Variants in CARD8 observed in about 807,000 individuals in gnomAD.
CARD8 encodes caspase recruitment domain family member 8, also known as caspase recruitment domain-containing protein 8.
CARD8 carries 38 observed loss-of-function variants against 53.2 expected under a neutral mutation model. The observed-to-expected ratio is 0.71, with a 90% CI of 0.55 to 0.94. The LOEUF is 0.94. CARD8 is among the 40% of genes least tolerant of loss of function. CARD8 has a pLI of 0.00. For missense variants in CARD8, 561 were observed against 655.5 expected (o/e 0.86, Z 1.57); for synonymous variants, 245 against 244.9 (o/e 1.00, Z 0.00).
At chr19:48,220,935 G>A (rs2040385125) in intron 11 of CARD8, among the ~76,000 whole-genome samples, 1 of 8,744 alleles carries the variant, frequency 1.1e-4, no homozygotes, top group African/African-American at 5.9e-4. Context: ...AAGAGAGAAA[G>A]AGGGAAAGAA....
In CARD8 at chr19:48,244,600, G is replaced by A. The variant is rs573597291; in HGVS notation, c.-43-3537C>T. Among the ~76,000 whole-genome samples, 27 of 151,988 alleles carry A rather than the reference G, an allele frequency of 1.8e-4. 1 individual carries two copies. In the South Asian group the frequency reaches 5.4e-3, roughly 30 times the overall value. On this transcript the variant is annotated intron_variant, in intron 3 of 13. Transcript: ENST00000651546. Reference sequence around the variant, plus strand: ...AGCAGGAGATAAATGTGGTAGAGGCGGTGTGGATCCTTGAAAACAGAGAAA... The same window carrying A: ...AGCAGGAGATAAATGTGGTAGAGGCAGTGTGGATCCTTGAAAACAGAGAAA...
chr19:48,225,350 G>T (rs1382376853), intron 10 of CARD8, among the ~76,000 whole-genome samples: 1 of 152,016 alleles, frequency 6.6e-6, no homozygotes, highest in Non-Finnish European at 1.5e-5. Flanking sequence ...AATTAGTGGG[G>T]TGTGGTGGCG....
At chr19:48,238,601 A>C in intron 4 of CARD8, 69 bp from the exon 5 acceptor site, 1 of 1,439,934 alleles carries the variant, frequency 6.9e-7, no homozygotes, top group Non-Finnish European at 9.4e-7. Flanking sequence ...CAATCTCCTC[A>C]CTGTGATGTA....
intron 11 of CARD8, among the ~76,000 whole-genome samples, chr19:48,220,831 A>G (rs1300907521): frequency 1.3e-5 from 2 of 152,004 alleles, no homozygotes; most frequent in Non-Finnish European, 1.5e-5. Context: ...GAATCACTTG[A>G]ACCTGGGAGG....
At chr19:48,214,343 C>T (rs1306724910) in intron 13 of CARD8, among the ~76,000 whole-genome samples, 3 of 152,282 alleles carry the variant, frequency 2.0e-5, no homozygotes, top group East Asian at 1.9e-4. Context: ...TGGTTGCAGC[C>T]GGCACCAGGG....
Position 48,225,492 on chromosome 19 carries a change from A to AAAAT in CARD8, c.1036-3641_1036-3638dup, listed in dbSNP as rs559853997. ...GGCGACAGGGCAAGACCCCTTCTCA[A>AAAAT]AAATAAATAAATAAAGGGAGGGATG... On this transcript the variant is annotated intron_variant, in intron 10 of 13. Coordinates refer to ENST00000651546, the MANE Select transcript of CARD8 (RefSeq NM_001184900.3). 5.9e-5 allele frequency among the ~76,000 whole-genome samples: 9 copies of AAAAT among 152,218 alleles called. No homozygotes were observed. The South Asian group carries it at 1.2e-3, about 21-fold the overall frequency.
intron 4 of CARD8, among the ~76,000 whole-genome samples, chr19:48,240,327 A>G (rs919173194): frequency 1.3e-5 from 2 of 152,226 alleles, no homozygotes; most frequent in African/African-American, 4.8e-5. Flanking sequence ...AGCGTGGTCA[A>G]GGCCATAGGC....
Position 48,221,857 on chromosome 19 carries a change from T to C in CARD8, c.1036-2A>G. 6.3e-7 allele frequency: 1 copy of C among 1,587,622 alleles called. No homozygotes were observed. Among genetic ancestry groups the C allele is most frequent in the Non-Finnish European group, 8.6e-7 (1 of 1,163,974 alleles). The stretch of plus-strand genomic sequence containing the variant: ...GCGATCTTCCTCATCATCTATCGCC[T>C]AAGGAAGAAGGGGCAGAAACATTAG... On this transcript the variant is annotated splice_acceptor_variant, in intron 10 of 13. Transcript: ENST00000651546. LOFTEE classifies it high-confidence loss of function.
intron 10 of CARD8, among the ~76,000 whole-genome samples, chr19:48,222,638 G>A (rs376358410): frequency 7.3e-5 from 11 of 151,562 alleles, no homozygotes; most frequent in Admixed American, 6.6e-4. Flanking sequence ...GCAGTGAGCC[G>A]AGATTGCGCC....
At chr19:48,213,202 A>C (rs2123872149) in intron 13 of CARD8, 1 of 152,278 alleles carries the variant, frequency 6.6e-6, no homozygotes, top group Non-Finnish European at 1.5e-5. Flanking sequence ...CATTTGCCAC[A>C]CAAGACTTTA....
intron 8 of CARD8, among the ~76,000 whole-genome samples, chr19:48,231,430 G>C (rs1375007676): frequency 6.6e-6 from 1 of 152,080 alleles, no homozygotes; most frequent in African/African-American, 2.4e-5. Context: ...TCAGCCTCCT[G>C]ATTAGCTGGG....
chr19:48,206,546 A>G, downstream of CARD8: 1 of 460,024 alleles, frequency 2.2e-6, no homozygotes, highest in Non-Finnish European at 4.4e-6. Context: ...AGAAGTCTCC[A>G]CTTCAGCCTC....
At chr19:48,234,377 T>C in intron 6 of CARD8, 26 bp downstream of exon 6, 1 of 1,597,362 alleles carries the variant, frequency 6.3e-7, no homozygotes, top group Non-Finnish European at 8.5e-7. Context: ...CGTCCAATAG[T>C]TTTCCAACGG....
At chr19:48,232,852 G>C (rs890670047) in intron 6 of CARD8, 2 of 464,816 alleles carry the variant, frequency 4.3e-6, no homozygotes, top group African/African-American at 4.0e-5. Context: ...AAATAATAGA[G>C]ATAACACACT....
At position 48,209,064 on chromosome 19, in the gene CARD8, G is replaced by A. The variant is rs1457360023; in HGVS notation, c.*2646C>T. The A allele has an allele frequency of 6.6e-6, 1 of 151,658 alleles. No individual in the cohort carries two copies. The highest frequency in any genetic ancestry group is 2.4e-5 in the African/African-American group (1 of 41,268). 9.4% of individuals were successfully genotyped at this position (151,658 alleles called of 1,614,324 possible). On this transcript the variant is annotated 3_prime_UTR_variant, in exon 14 of 14. Coordinates refer to ENST00000651546, the MANE Select transcript of CARD8 (RefSeq NM_001184900.3). ...AATCCCAGCACTTTGGGAGGCTGAG[G>A]TGGGTGGATCACTTGAGGCCAGGAG... is the stretch of plus-strand genomic sequence containing the variant.
rs12460967 is a variant in CARD8 at position 48,238,359 on chromosome 19, T to C, written c.209+24A>G. 9.1e-3 allele frequency: 13,870 copies of C among 1,529,892 alleles called. 706 individuals carry two copies. In the African/African-American group the frequency reaches 0.13, roughly 14 times the overall value. The allele number at this position is 1,529,892 out of a possible 1,614,324, so 94.8% of individuals were successfully genotyped here. A position where few individuals can be genotyped will look rare whatever the true frequency, so the allele number is the denominator to read the frequency against. ...GCAAAATTCCAAATCTTTAATTTTT[T>C]CCCAACAAATAGATGTCCCTTACGT... On this transcript the variant is annotated intron_variant, in intron 5 of 13. Coordinates refer to ENST00000651546, the MANE Select transcript of CARD8 (RefSeq NM_001184900.3).
At chr19:48,220,954 A>AAGGAAGGAAGGAAGGAAAG (rs10638078) in intron 11 of CARD8, among the ~76,000 whole-genome samples, 1 of 101,270 alleles carries the variant, frequency 9.9e-6, no homozygotes, top group African/African-American at 3.9e-5. Context: ...AAAGGAAAGG[A>AAGGAAGGAAGGAAGGAAAG]AAGGAAGGAA....
chr19:48,215,340 C>G lies in CARD8; in HGVS notation c.1348G>C (p.Gly450Arg). 1 of 1,609,200 alleles carries G rather than the reference C, an allele frequency of 6.2e-7. No homozygotes were observed. Among genetic ancestry groups the G allele is most frequent in the Non-Finnish European group, 8.5e-7 (1 of 1,175,796 alleles). Residue 450 changes from glycine (G) to arginine (R), a missense_variant and splice_region_variant, in exon 13 of 14, where the codon GGT becomes CGT. Coordinates refer to ENST00000651546, the MANE Select transcript of CARD8 (RefSeq NM_001184900.3). Reference protein sequence around the residue: ...VAASAPPPFSGAAFVKENHRQ... With the variant: ...VAASAPPPFSRAAFVKENHRQ... The stretch of plus-strand genomic sequence containing the variant: ...GCTTTAATGTAAACATTTCACTTAC[C>G]TGAGAAAGGAGGAGGGGCTGATGCA...
At chr19:48,205,638 G>A (rs1305356959), downstream of CARD8, among the ~76,000 whole-genome samples, 1 of 152,154 alleles carries the variant, frequency 6.6e-6, no homozygotes, top group Non-Finnish European at 1.5e-5. Flanking sequence ...TAGCGTTACT[G>A]TCACACCCCC....
Sources: allele counts gnomAD v4.1 joint callset (sites outside exome capture counted in the v4.1 genomes callset), GRCh38; gene constraint gnomAD v4.1.1; transcripts MANE v1.5; gene names NCBI Gene and HGNC (gene_info 2026-07-23, HGNC 2026-07-21).